The following PARN variants were observed in gnomAD, a reference collection of about 807,000 sequenced individuals.
PARN encodes the protein poly(A)-specific ribonuclease, also known as poly(A)-specific ribonuclease PARN.
In PARN, 71 loss-of-function variants were observed where a neutral mutation model predicts 102.8. The ratio of observed to expected loss-of-function variants is 0.69; its 90% CI spans 0.57 to 0.84. The LOEUF (loss-of-function observed/expected upper bound fraction) is 0.84, where lower values mean the gene tolerates loss of function less well. PARN is among the 40% of genes least tolerant of loss of function. The pLI, the probability that PARN is intolerant of heterozygous loss-of-function variation, is 0.00. For missense variants in PARN, 782 were observed against 760.9 expected, an observed-to-expected ratio of 1.03 and a Z score of -0.33; for synonymous variants, 261 against 252.9, an observed-to-expected ratio of 1.03 and a Z score of -0.30.
intron 18 of PARN, among the ~76,000 whole-genome samples, chr16:14,566,888 A>G (rs1468432184): frequency 6.6e-6 from 1 of 152,164 alleles, no homozygotes; most frequent in East Asian, 1.9e-4. Context: ...CAGTTTTTTG[A>G]TGCTGCCACA....
In PARN at chr16:14,529,962, C is replaced by T. The variant is rs564787100; in HGVS notation, c.1480+22059G>A. Among the ~76,000 whole-genome samples the T allele has an allele frequency of 3.3e-5, 5 of 149,994 alleles. No individual in the cohort carries two copies. In the South Asian group the frequency reaches 8.5e-4, roughly 25 times the overall value. On this transcript the variant is annotated intron_variant, in intron 21 of 23. Transcript: ENST00000437198. The stretch of plus-strand genomic sequence containing the variant: ...CTGCAAGAGGCCTCTGAACTCTAAA[C>T]GATTCCTTAATCTCAGCTTCCAAGA...
intron 21 of PARN, among the ~76,000 whole-genome samples, chr16:14,516,650 G>A (rs1293108959): frequency 6.6e-6 from 1 of 152,184 alleles, no homozygotes; most frequent in East Asian, 1.9e-4. Context: ...CTACTTTCAA[G>A]TACAAAGGCT....
At chr16:14,501,460 A>AAAAAAAAAAAAC (rs71150191) in intron 21 of PARN, 2 of 137,548 alleles carry the variant, frequency 1.5e-5, no homozygotes, top group African/African-American at 2.7e-5. Context: ...AAAAAAAAAA[A>AAAAAAAAAAAAC]CAGAAAGAAA....
At chr16:14,620,803 T>C (rs767997495) in intron 5 of PARN, among the ~76,000 whole-genome samples, 10 of 152,208 alleles carry the variant, frequency 6.6e-5, no homozygotes, top group Non-Finnish European at 8.8e-5. Context: ...GGAATGACTG[T>C]GTTTCCCTCT....
At chr16:14,544,097 C>CAGGA (rs1966859041) in intron 21 of PARN, among the ~76,000 whole-genome samples, 1 of 152,104 alleles carries the variant, frequency 6.6e-6, no homozygotes, top group African/African-American at 2.4e-5. Flanking sequence ...GAGGCAGAGG[C>CAGGA]AGGAGAATCG....
intron 22 of PARN, among the ~76,000 whole-genome samples, chr16:14,451,868 A>G: frequency 2.6e-5 from 1 of 38,472 alleles, no homozygotes; most frequent in Non-Finnish European, 5.2e-5. Context: ...AAAAAAAAAT[A>G]CAAAAAAAAA....
chr16:14,491,430 T>TA (rs1464889475), intron 21 of PARN, among the ~76,000 whole-genome samples: 1 of 152,038 alleles, frequency 6.6e-6, no homozygotes, highest in Admixed American at 6.6e-5. Flanking sequence ...GGGTTTATCA[T>TA]AGTAGTTTTC....
chr16:14,467,646 G>T (rs1380529398), intron 22 of PARN, among the ~76,000 whole-genome samples: 4 of 152,176 alleles, frequency 2.6e-5, no homozygotes, highest in Non-Finnish European at 5.9e-5. Flanking sequence ...AAAATGGCAT[G>T]AAAAGTCTTC....
At chr16:14,486,928 C>A (rs1369380216) in intron 21 of PARN, among the ~76,000 whole-genome samples, 1 of 152,234 alleles carries the variant, frequency 6.6e-6, no homozygotes, top group Non-Finnish European at 1.5e-5. Context: ...CACTGGGGAA[C>A]CAAATGTGCT....
At chr16:14,588,174 T>C (rs1352262028) in intron 13 of PARN, among the ~76,000 whole-genome samples, 1 of 152,224 alleles carries the variant, frequency 6.6e-6, no homozygotes, top group Non-Finnish European at 1.5e-5. Flanking sequence ...AAGGGAAAGC[T>C]GTGAACAACA....
chr16:14,596,415 T>C (rs1970515784), intron 12 of PARN, among the ~76,000 whole-genome samples: 1 of 151,762 alleles, frequency 6.6e-6, no homozygotes, highest in Admixed American at 6.6e-5. Flanking sequence ...CCTGAGTCCA[T>C]ACATATACAT....
chr16:14,610,715 A>G lies in PARN; in HGVS notation c.483T>C (p.Tyr161=). 1 of 1,606,342 alleles carries G rather than the reference A, an allele frequency of 6.2e-7. No individual in the cohort carries two copies. Among genetic ancestry groups the G allele is most frequent in the Non-Finnish European group, 8.5e-7 (1 of 1,172,918 alleles). The change falls in exon 7 of 24, where the codon TAT becomes TAC. Residue 161 remains tyrosine, a synonymous_variant. Transcript: ENST00000437198. The part of the protein sequence containing the change: ...SQANGAGALS[Y]VSPNTSKCPV... ...GACATTTTGAAGTGTTAGGAGATACATAGGACAGAGCTCCTGCACCATTCG... is the reference window on the plus strand; with the variant it reads ...GACATTTTGAAGTGTTAGGAGATACGTAGGACAGAGCTCCTGCACCATTCG...
intron 21 of PARN, among the ~76,000 whole-genome samples, chr16:14,534,083 G>A (rs1966500312): frequency 6.6e-6 from 1 of 152,040 alleles, no homozygotes; most frequent in Non-Finnish European, 1.5e-5. Context: ...ATTAGGCATG[G>A]TGGCATGCTC....
chr16:14,475,453 A>G (rs959052474), intron 22 of PARN, among the ~76,000 whole-genome samples: 1 of 152,130 alleles, frequency 6.6e-6, no homozygotes, highest in Non-Finnish European at 1.5e-5. Flanking sequence ...CTCCCTCTCA[A>G]AGCAAACTAT....
chr16:14,449,724 AAC>A (rs1249217451), intron 22 of PARN, among the ~76,000 whole-genome samples: 1 of 152,236 alleles, frequency 6.6e-6, no homozygotes, highest in African/African-American at 2.4e-5. Flanking sequence ...ACACTCCTTA[AAC>A]ACATGAAAAA....
At chr16:14,519,767 C>T (rs974118186) in intron 21 of PARN, among the ~76,000 whole-genome samples, 5 of 152,166 alleles carry the variant, frequency 3.3e-5, no homozygotes, top group Admixed American at 3.3e-4. Flanking sequence ...AAGAATCAAA[C>T]ATAAATTCTG....
chr16:14,486,772 A>C (rs1262871919), intron 21 of PARN, among the ~76,000 whole-genome samples: 1 of 152,186 alleles, frequency 6.6e-6, no homozygotes, highest in Non-Finnish European at 1.5e-5. Flanking sequence ...CAGCAAAATG[A>C]ATTGGCTGTC....
At chr16:14,572,247 G>A (rs772281159) in intron 18 of PARN, among the ~76,000 whole-genome samples, 12 of 152,288 alleles carry the variant, frequency 7.9e-5, no homozygotes, top group Admixed American at 3.3e-4. Flanking sequence ...GACCCTGCAC[G>A]CCATGCTGCT....
intron 21 of PARN, among the ~76,000 whole-genome samples, chr16:14,510,694 G>C (rs545125351): frequency 9.2e-5 from 14 of 152,262 alleles, no homozygotes; most frequent in African/African-American, 3.1e-4. Flanking sequence ...AGTGTGTTTT[G>C]AGCCTAGATC....
Sources: allele counts gnomAD v4.1 joint callset (sites outside exome capture counted in the v4.1 genomes callset), GRCh38; gene constraint gnomAD v4.1.1; transcripts MANE v1.5; gene names NCBI Gene and HGNC (gene_info 2026-07-23, HGNC 2026-07-21).